The following LOC400499 variants were observed in gnomAD, a reference collection of about 807,000 sequenced individuals.
the LOC400499 span, among the ~76,000 whole-genome samples, chr16:11,477,320 C>A: frequency 6.6e-6 from 1 of 152,234 alleles, no homozygotes; most frequent in Admixed American, 6.5e-5. Flanking sequence ...GACAGCTCAG[C>A]TGAGGGGCTG....
the LOC400499 span, among the ~76,000 whole-genome samples, chr16:11,513,308 G>T: frequency 6.6e-6 from 1 of 151,756 alleles, no homozygotes; most frequent in Non-Finnish European, 1.5e-5. Context: ...GGCGGGCTGA[G>T]GTGGGAGGAT....
At chr16:11,450,877 A>T in the LOC400499 span, 2 of 1,445,246 alleles carry the variant, frequency 1.4e-6, no homozygotes, top group Non-Finnish European at 1.9e-6. Flanking sequence ...AGCTTCTAGC[A>T]GGCAGCTGGA....
At chr16:11,509,221 C>T in the LOC400499 span, among the ~76,000 whole-genome samples, 4 of 151,394 alleles carry the variant, frequency 2.6e-5, no homozygotes, top group South Asian at 2.1e-4. Context: ...GGGTTCACGC[C>T]GTTCTCCTGC....
At chr16:11,463,517 T>C in the LOC400499 span, among the ~76,000 whole-genome samples, 7 of 152,246 alleles carry the variant, frequency 4.6e-5, no homozygotes, top group African/African-American at 1.7e-4. Context: ...AATGTGTGTA[T>C]ACATGGATGT....
At chr16:11,409,210 G>A in the LOC400499 span, among the ~76,000 whole-genome samples, 23 of 152,040 alleles carry the variant, frequency 1.5e-4, no homozygotes, top group South Asian at 1.0e-3. Flanking sequence ...GCGGTGAGTC[G>A]AGATCACGCC....
chr16:11,404,177 G>C, the LOC400499 span, among the ~76,000 whole-genome samples: 1 of 152,132 alleles, frequency 6.6e-6, no homozygotes, highest in African/African-American at 2.4e-5. Context: ...ACCCCACAAA[G>C]ACCCTGCTTG....
At chr16:11,384,319 G>A in the LOC400499 span, 1 of 1,231,378 alleles carries the variant, frequency 8.1e-7, no homozygotes, top group East Asian at 3.2e-5. Context: ...AAGGCCAGCG[G>A]ATATGCCTGT....
chr16:11,438,224 T>C, the LOC400499 span, among the ~76,000 whole-genome samples: 1 of 152,188 alleles, frequency 6.6e-6, no homozygotes, highest in Non-Finnish European at 1.5e-5. Flanking sequence ...GTTAATATGA[T>C]GACATTTCCT....
chr16:11,473,593 A>C, the LOC400499 span, among the ~76,000 whole-genome samples: 33 of 151,974 alleles, frequency 2.2e-4, no homozygotes, highest in Non-Finnish European at 4.6e-4. Context: ...TGTCTCCACT[A>C]AAAATACAAA....
At chr16:11,498,892 G>A in the LOC400499 span, among the ~76,000 whole-genome samples, 5 of 150,812 alleles carry the variant, frequency 3.3e-5, no homozygotes, top group South Asian at 1.1e-3. Context: ...TAGTCCCATT[G>A]TCCAGACGGG....
chr16:11,427,839 G>C, the LOC400499 span, among the ~76,000 whole-genome samples: 54 of 152,312 alleles, frequency 3.5e-4, no homozygotes, highest in African/African-American at 1.2e-3. Flanking sequence ...AGCACATTTT[G>C]AGCTTTAGTC....
chr16:11,425,454 G>C, the LOC400499 span: 1 of 399,066 alleles, frequency 2.5e-6, no homozygotes, highest in Non-Finnish European at 4.4e-6. Flanking sequence ...TGGTGGAGAA[G>C]AACAGAGCAG....
chr16:11,455,406 T>G, the LOC400499 span, among the ~76,000 whole-genome samples: 2 of 152,046 alleles, frequency 1.3e-5, no homozygotes, highest in African/African-American at 4.8e-5. Flanking sequence ...AAAAAATGGC[T>G]AAAAGAATTT....
the LOC400499 span, among the ~76,000 whole-genome samples, chr16:11,488,383 T>C: frequency 6.6e-6 from 1 of 152,204 alleles, no homozygotes; most frequent in Admixed American, 6.5e-5. Context: ...AAAATATTTT[T>C]GAACAAGCAG....
the LOC400499 span, chr16:11,442,369 C>G: frequency 1.3e-5 from 2 of 152,080 alleles, no homozygotes; most frequent in African/African-American, 4.8e-5. Flanking sequence ...TACAGGAGCC[C>G]GCCACCATGC....
the LOC400499 span, among the ~76,000 whole-genome samples, chr16:11,458,306 A>C: frequency 6.6e-6 from 1 of 152,150 alleles, no homozygotes; most frequent in African/African-American, 2.4e-5. Flanking sequence ...AGGTCGTGCC[A>C]CTGCACTCCA....
At chr16:11,379,647 C>T in the LOC400499 span, among the ~76,000 whole-genome samples, 2 of 152,234 alleles carry the variant, frequency 1.3e-5, no homozygotes, top group African/African-American at 4.8e-5. Flanking sequence ...GGGGAGACTC[C>T]AGCACATTAC....
the LOC400499 span, chr16:11,443,399 T>C: frequency 4.8e-6 from 2 of 416,322 alleles, no homozygotes; most frequent in South Asian, 1.6e-5. Context: ...ACGTGGAGGT[T>C]GCGGTGAGCT....
chr16:11,482,267 G>T, the LOC400499 span, among the ~76,000 whole-genome samples: 1 of 152,186 alleles, frequency 6.6e-6, no homozygotes, highest in Admixed American at 6.5e-5. Context: ...GGGAATGGAG[G>T]CTGAGCCAGG....
Sources: gnomAD v4.1 joint callset for allele counts (sites outside exome capture counted in the v4.1 genomes callset) on GRCh38, gnomAD v4.1.1 for gene constraint, MANE v1.5 for transcripts.